The following CNTNAP3 variants were observed in gnomAD, a reference collection of about 807,000 sequenced individuals.
CNTNAP3 encodes contactin associated protein family member 3, also known as contactin-associated protein-like 3.
Under a neutral mutation model 92.1 loss-of-function variants are expected in CNTNAP3, and 36 were observed. That is an observed-to-expected ratio of 0.39 (90% CI 0.30 to 0.52). The LOEUF (loss-of-function observed/expected upper bound fraction) is 0.52. Among genes scored for constraint, CNTNAP3 ranks in the 20% least tolerant of loss-of-function variants. The probability of loss-of-function intolerance (pLI) is 0.76; values close to 1 mark genes in which losing one functional copy is unlikely to be tolerated. For synonymous variants in CNTNAP3, 232 were observed against 422.3 expected (o/e 0.55, Z 5.53); for missense variants, 534 against 1,069.6 (o/e 0.50, Z 6.98).
In CNTNAP3 at chr9:39,065,737, G is replaced by T. The variant is rs1344146731; in HGVS notation, c.*8153C>A. Among the ~76,000 whole-genome samples the T allele has an allele frequency of 5.3e-5, 8 of 152,072 alleles. No individual in the cohort carries two copies. The highest frequency in any genetic ancestry group is 1.9e-4 in the African/African-American group (8 of 41,396). On this transcript the variant is annotated 3_prime_UTR_variant, in exon 24 of 24. Coordinates refer to ENST00000297668, the MANE Select transcript of CNTNAP3 (RefSeq NM_033655.5). ...TGACAAAACGATATTGAACATTTTT[G>T]TGTGCTTTTTGTCCACTGGCCTAGC...
In CNTNAP3 at chr9:39,149,997, T is replaced by A. The variant is rs1189785488; in HGVS notation, c.1478-20A>T. 1.2e-6 allele frequency: 2 copies of A among 1,611,234 alleles called. No individual in the cohort carries two copies. Among genetic ancestry groups the A allele is most frequent in the Non-Finnish European group, 1.7e-6 (2 of 1,179,614 alleles). On this transcript the variant is annotated intron_variant, in intron 9 of 23. Coordinates refer to ENST00000297668, the MANE Select transcript of CNTNAP3 (RefSeq NM_033655.5). ...GGCAGCCTAAATATGAAGACAAAAA[T>A]AGGACAAAAGCAACAACTATGACAA...
intron 13 of CNTNAP3, among the ~76,000 whole-genome samples, chr9:39,119,509 A>C (rs1820951091): frequency 1.3e-5 from 2 of 152,306 alleles, no homozygotes; most frequent in South Asian, 4.1e-4. Flanking sequence ...AAAGTTACCG[A>C]CTTCACCATT....
chr9:39,137,749 C>T (rs1311544362), intron 12 of CNTNAP3, among the ~76,000 whole-genome samples: 2 of 152,184 alleles, frequency 1.3e-5, no homozygotes, highest in South Asian at 2.1e-4. Flanking sequence ...CTCCTGACCT[C>T]GTGATCCACC....
At chr9:39,123,672 C>T (rs199991815) in intron 13 of CNTNAP3, among the ~76,000 whole-genome samples, 14,242 of 151,860 alleles carry the variant, frequency 0.094, 764 homozygotes, top group African/African-American at 0.15. Flanking sequence ...AATAAAATCT[C>T]GAAATAAACC....
At chr9:39,147,726 A>G (rs1821737218) in intron 10 of CNTNAP3, among the ~76,000 whole-genome samples, 1 of 152,196 alleles carries the variant, frequency 6.6e-6, no homozygotes, top group African/African-American at 2.4e-5. Context: ...CTTAGAGACC[A>G]AGTTAGGCAC....
chr9:39,095,585 T>C lies in CNTNAP3; in HGVS notation c.2995+4326A>G, dbSNP rs186977824. Among the ~76,000 whole-genome samples, 367 of 145,826 alleles carry C rather than the reference T, an allele frequency of 2.5e-3. 4 individuals are homozygous for C. Among genetic ancestry groups the C allele is most frequent in the Non-Finnish European group, 4.0e-3 (265 of 65,586 alleles). On this transcript the variant is annotated intron_variant, in intron 18 of 23. Transcript: ENST00000297668. ...TTTTCAGCAACAATTAAGATAATCA[T>C]GTTTTTTTTCCCCTCTCATTCTATT...
At chr9:39,106,476 G>A (rs1758533) in intron 15 of CNTNAP3, 7 of 152,086 alleles carry the variant, frequency 4.6e-5, no homozygotes, top group East Asian at 3.9e-4. Flanking sequence ...GTAAGAGACG[G>A]GGTCTTACCA....
chr9:39,100,349 C>T (rs1826427064), intron 17 of CNTNAP3, among the ~76,000 whole-genome samples, 199 bp from the exon 18 acceptor site: 1 of 152,160 alleles, frequency 6.6e-6, no homozygotes, highest in African/African-American at 2.4e-5. Context: ...CACTTATTTA[C>T]ATAACTTTCA....
chr9:39,128,880 G>A (rs1118444), intron 13 of CNTNAP3, among the ~76,000 whole-genome samples: 2 of 142,150 alleles, frequency 1.4e-5, no homozygotes, highest in Non-Finnish European at 3.1e-5. Context: ...AAACAAAAAT[G>A]TAAAGCACAA....
intron 18 of CNTNAP3, among the ~76,000 whole-genome samples, chr9:39,099,613 A>C (rs57483979): frequency 0.23 from 35,178 of 152,042 alleles, 4,376 homozygotes; most frequent in East Asian, 0.38. Context: ...TTAAAATTAG[A>C]ACAGTACAAG....
chr9:39,069,807 T>C lies in CNTNAP3; in HGVS notation c.*4083A>G, dbSNP rs1451268030. On this transcript the variant is annotated 3_prime_UTR_variant, in exon 24 of 24. Coordinates refer to ENST00000297668, the MANE Select transcript of CNTNAP3 (RefSeq NM_033655.5). ...ATGAACTTAGCCTGAGCTACATCCA[T>C]TGGGAGTGATGTGAAGGAAGAGAAA... Among the ~76,000 whole-genome samples, 6 of 152,274 alleles carry C rather than the reference T, an allele frequency of 3.9e-5. No individual in the cohort carries two copies. The highest frequency in any genetic ancestry group is 3.3e-4 in the Admixed American group (5 of 15,274).
At chr9:39,136,773 T>C (rs552729135) in intron 12 of CNTNAP3, among the ~76,000 whole-genome samples, 7 of 151,982 alleles carry the variant, frequency 4.6e-5, no homozygotes, top group Non-Finnish European at 1.0e-4. Context: ...TGGTGTCACA[T>C]GCCCATAATC....
chr9:39,080,560 C>T (rs544260667), intron 21 of CNTNAP3, among the ~76,000 whole-genome samples: 5 of 137,260 alleles, frequency 3.6e-5, no homozygotes, highest in South Asian at 4.7e-4. Context: ...GTCTGCCACA[C>T]GATCTTAACA....
In CNTNAP3 at chr9:39,109,151, A is replaced by G. The variant is rs1826680740; in HGVS notation, c.2365+9T>C. On this transcript the variant is annotated intron_variant, in intron 15 of 23. Transcript: ENST00000297668. ...TATGAAAATAAAGCTTTTTCTTGACACTACTTACGATCTCCGCGGCAGAGC... is the reference window on the plus strand; with the variant it reads ...TATGAAAATAAAGCTTTTTCTTGACGCTACTTACGATCTCCGCGGCAGAGC... 6 of 1,603,992 alleles carry G rather than the reference A, an allele frequency of 3.7e-6. No homozygotes were observed. The East Asian group carries it at 1.3e-4, about 36-fold the overall frequency.
At chr9:39,119,956 G>T (rs1013910243) in intron 13 of CNTNAP3, among the ~76,000 whole-genome samples, 5 of 152,068 alleles carry the variant, frequency 3.3e-5, no homozygotes, top group African/African-American at 9.7e-5. Flanking sequence ...AATATAAAAA[G>T]AACTGAGCCA....
intron 21 of CNTNAP3, among the ~76,000 whole-genome samples, chr9:39,080,311 G>A (rs1758485): frequency 4.9e-3 from 578 of 117,326 alleles, no homozygotes; most frequent in African/African-American, 8.1e-3. Context: ...TCACCACCCC[G>A]CAGGTGATGT....
chr9:39,118,422 T>C (rs1047558349), intron 13 of CNTNAP3, among the ~76,000 whole-genome samples, 163 bp from the exon 14 acceptor site: 10 of 152,212 alleles, frequency 6.6e-5, no homozygotes, highest in African/African-American at 2.4e-4. Flanking sequence ...GAAACGTTTA[T>C]TTAAGCCTAA....
chr9:39,134,436 A>G (rs1015592122), intron 12 of CNTNAP3, among the ~76,000 whole-genome samples: 3 of 150,342 alleles, frequency 2.0e-5, no homozygotes, highest in Admixed American at 6.6e-5. Flanking sequence ...TAATTTATTT[A>G]TTTTTGAGAT....
chr9:39,084,495 C>A (rs1210884653), intron 21 of CNTNAP3, among the ~76,000 whole-genome samples: 1 of 152,064 alleles, frequency 6.6e-6, no homozygotes, highest in Non-Finnish European at 1.5e-5. Flanking sequence ...CACCCGGCCA[C>A]TCACCAAATA....
Sources: allele counts gnomAD v4.1 joint callset (sites outside exome capture counted in the v4.1 genomes callset), GRCh38; gene constraint gnomAD v4.1.1; transcripts MANE v1.5; gene names NCBI Gene and HGNC (gene_info 2026-07-23, HGNC 2026-07-21).